Variants in PPL observed in about 807,000 individuals in gnomAD.
PPL encodes the protein periplakin.
Under a neutral mutation model 194.4 loss-of-function variants are expected in PPL, and 198 were observed. The ratio of observed to expected loss-of-function variants is 1.02; its 90% CI spans 0.91 to 1.15. The LOEUF (loss-of-function observed/expected upper bound fraction) is 1.15. Ranked by LOEUF, PPL falls within the 50% of genes most tolerant of loss-of-function variation. The pLI is 0.00. For missense variants in PPL, 2,885 were observed against 2,294.8 expected, an observed-to-expected ratio of 1.26 and a Z score of -5.25; for synonymous variants, 1,220 against 972.4, an observed-to-expected ratio of 1.25 and a Z score of -4.74.
chr16:4,903,263 G>T (rs1246598359), intron 3 of PPL, among the ~76,000 whole-genome samples: 2 of 152,058 alleles, frequency 1.3e-5, no homozygotes, highest in Non-Finnish European at 2.9e-5. Flanking sequence ...TGAACTGGGA[G>T]TCGTGAGCCA....
At position 4,885,199 on chromosome 16, in the gene PPL, C is replaced by T. The variant is rs368588876; in HGVS notation, c.3456G>A (p.Thr1152=). 19 of 1,613,966 alleles carry T rather than the reference C, an allele frequency of 1.2e-5. No homozygotes were observed. The highest frequency in any genetic ancestry group is 9.3e-5 in the African/African-American group (7 of 74,922). Residue 1152 remains threonine, a synonymous_variant, in exon 22 of 22, where the codon ACG becomes ACA. Coordinates refer to ENST00000345988, the MANE Select transcript of PPL (RefSeq NM_002705.5). This position sits in a 1 kb window ranked among gnomAD's most constrained non-coding sequence, Gnocchi z 6.3. ...AGGCCCATATCTTTCGGAGCAGCTC[C>T]GTCTTCTCCCTCTGGCTAGCGCGAG... The part of the protein sequence containing the change: ...AKARASQREK[T]ELLRKIWALE...
chr16:4,933,876 A>G (rs577614974), intron 1 of PPL, among the ~76,000 whole-genome samples: 1 of 152,320 alleles, frequency 6.6e-6, no homozygotes, highest in Admixed American at 6.5e-5. Context: ...CACCACAGCT[A>G]GCTTGCCCGC....
Position 4,883,539 on chromosome 16 carries a change from C to T in PPL, c.5116G>A (p.Glu1706Lys), listed in dbSNP as rs768114643. The T allele has an allele frequency of 6.2e-7, 1 of 1,614,240 alleles. No individual in the cohort carries two copies. Residue 1706 changes from glutamate (E) to lysine (K), a missense_variant, in exon 22 of 22, where the codon GAG (glutamate) becomes AAG (lysine). Coordinates refer to ENST00000345988, the MANE Select transcript of PPL (RefSeq NM_002705.5). The surrounding 1 kb of genome is among the most constrained non-coding windows in gnomAD (Gnocchi z 4.8). ...EEISVKGPNGESSVIHDRKSG... is the reference protein window; with the variant it reads ...EEISVKGPNGKSSVIHDRKSG... ...TTCCTGTCGTGTATCACTGAGGACTCCCCATTGGGACCCTTCACTGAGATC... is the reference window on the plus strand; with the variant it reads ...TTCCTGTCGTGTATCACTGAGGACTTCCCATTGGGACCCTTCACTGAGATC...
In PPL at chr16:4,893,715, T is replaced by C. The variant is rs142308011; in HGVS notation, c.1395-77A>G. 8.2e-5 allele frequency: 105 copies of C among 1,288,126 alleles called. No individual in the cohort carries two copies. The East Asian group carries it at 2.5e-3, about 30-fold the overall frequency. 79.8% of individuals were successfully genotyped at this position (1,288,126 alleles called of 1,614,324 possible). On this transcript the variant is annotated intron_variant, in intron 12 of 21. Transcript: ENST00000345988. The stretch of plus-strand genomic sequence containing the variant: ...CCCACAGAGGCGGGACTGCGGACTC[T>C]GGCTGGGCAGACACCCCAGAGGAGC...
chr16:4,891,006 C>A, intron 16 of PPL, 85 bp from the exon 17 acceptor site: 1 of 1,260,698 alleles, frequency 7.9e-7, no homozygotes, highest in Non-Finnish European at 1.1e-6. Flanking sequence ...CCCTGGGCCA[C>A]TGACTGTAGG....
At chr16:4,925,547 C>T (rs1017409527) in intron 1 of PPL, among the ~76,000 whole-genome samples, 1 of 152,218 alleles carries the variant, frequency 6.6e-6, no homozygotes, top group African/African-American at 2.4e-5. Flanking sequence ...AAAGAACTTA[C>T]TCACCTTTTT....
At chr16:4,912,078 T>G (rs1399193099) in intron 1 of PPL, among the ~76,000 whole-genome samples, 2 of 152,120 alleles carry the variant, frequency 1.3e-5, no homozygotes, top group African/African-American at 4.8e-5. Flanking sequence ...TACCGTAAAA[T>G]TCACCTGTTT....
At position 4,882,594 on chromosome 16, in the gene PPL, T is replaced by C. The variant is rs1398545651; in HGVS notation, c.*790A>G. 1 of 152,248 alleles carries C rather than the reference T, an allele frequency of 6.6e-6. No individual in the cohort carries two copies. The highest frequency in any genetic ancestry group is 1.9e-4 in the East Asian group (1 of 5,202). 9.4% of individuals were successfully genotyped at this position (152,248 alleles called of 1,614,324 possible). A position where few individuals can be genotyped will look rare whatever the true frequency, so the allele number is the denominator to read the frequency against. ...AGTTCCCATTTTCTTATGTTCTACA[T>C]GAGATACAGAGACCCAGATATTGGC... On this transcript the variant is annotated 3_prime_UTR_variant, in exon 22 of 22. Transcript: ENST00000345988.
At position 4,934,426 on chromosome 16, in the gene PPL, C is replaced by T. The variant is rs1324520225; in HGVS notation, c.62+2558G>A. On this transcript the variant is annotated intron_variant, in intron 1 of 21. Transcript: ENST00000345988. ...CTCGGAAAGGGCTGCTACCCTCATC[C>T]GGGCACCTCCTGTGTGCTACAGCAC... Among the ~76,000 whole-genome samples the T allele has an allele frequency of 5.3e-5, 8 of 152,112 alleles. No homozygotes were observed. The South Asian group carries it at 1.5e-3, about 28-fold the overall frequency.
chr16:4,902,331 G>A lies in PPL; in HGVS notation c.438+75C>T. 2 of 1,583,910 alleles carry A rather than the reference G, an allele frequency of 1.3e-6. No individual in the cohort carries two copies. The highest frequency in any genetic ancestry group is 1.7e-6 in the Non-Finnish European group (2 of 1,164,578). ...AAGACCCGGGATGCCCATTACATGG[G>A]TAGGCTCTCCCTGCACACGCACAGC... On this transcript the variant is annotated intron_variant, in intron 4 of 21. Coordinates refer to ENST00000345988, the MANE Select transcript of PPL (RefSeq NM_002705.5). The surrounding 1 kb of genome is among the most constrained non-coding windows in gnomAD (Gnocchi z 4.0).
chr16:4,934,720 C>T (rs2089271636), intron 1 of PPL, among the ~76,000 whole-genome samples: 1 of 152,180 alleles, frequency 6.6e-6, no homozygotes, highest in South Asian at 2.1e-4. Context: ...CGACCACAGC[C>T]TAGAGCCGCA....
intron 17 of PPL, 41 bp downstream of exon 17, chr16:4,890,687 T>C (rs1236369919): frequency 6.4e-7 from 1 of 1,560,124 alleles, no homozygotes; most frequent in African/African-American, 1.4e-5. Context: ...TAGATCGCAT[T>C]CTCAGAAAAC....
At chr16:4,890,002 C>T (rs569405661) in intron 18 of PPL, among the ~76,000 whole-genome samples, 182 bp downstream of exon 18, 69 of 152,348 alleles carry the variant, frequency 4.5e-4, no homozygotes, top group East Asian at 3.9e-3. Context: ...GCGACACACT[C>T]GGTTCTTGTT....
chr16:4,893,417 G>T, intron 13 of PPL, 47 bp from the exon 14 acceptor site: 1 of 1,596,670 alleles, frequency 6.3e-7, no homozygotes, highest in Non-Finnish European at 8.5e-7. Flanking sequence ...CGGGCCAGGG[G>T]TGTGAGGCCC....
Position 4,882,507 on chromosome 16 carries a change from G to A in PPL, c.*877C>T, listed in dbSNP as rs1319742474. The A allele has an allele frequency of 6.6e-6, 1 of 152,282 alleles. No homozygotes were observed. The highest frequency in any genetic ancestry group is 1.5e-5 in the Non-Finnish European group (1 of 68,038). The allele number at this position is 152,282 out of a possible 1,614,324, so 9.4% of individuals were successfully genotyped here. A position where few individuals can be genotyped will look rare whatever the true frequency, so the allele number is the denominator to read the frequency against. On this transcript the variant is annotated 3_prime_UTR_variant, in exon 22 of 22. Coordinates refer to ENST00000345988, the MANE Select transcript of PPL (RefSeq NM_002705.5). ...TTGCATGCAAAAGAAGAAACATGTG[G>A]ACCGTACAAGCAGACTCCAGCCACC...
Position 4,883,688 on chromosome 16 carries a change from C to A in PPL, c.4967G>T (p.Arg1656Leu), listed in dbSNP as rs766964545. ...GTCAGGGTGGATGACTACGATGGAGCGCCGCAGGTGGTTCTCCCGCTGCTC... is the reference window on the plus strand; with the variant it reads ...GTCAGGGTGGATGACTACGATGGAGAGCCGCAGGTGGTTCTCCCGCTGCTC... ...KREQRENHLRRSIVVIHPDTG... is the reference protein window; with the variant it reads ...KREQRENHLRLSIVVIHPDTG... Residue 1656 changes from arginine (R) to leucine (L), a missense_variant, in exon 22 of 22, where the codon CGC (arginine) becomes CTC (leucine). By Grantham distance (102) the Arg-to-Leu change is moderately radical. Transcript: ENST00000345988. The surrounding 1 kb of genome is among the most constrained non-coding windows in gnomAD (Gnocchi z 4.8). 7 of 1,613,904 alleles carry A rather than the reference C, an allele frequency of 4.3e-6. No individual in the cohort carries two copies. Among genetic ancestry groups the A allele is most frequent in the South Asian group, 3.3e-5 (3 of 91,082 alleles).
rs904389618 is a variant in PPL, at chr16:4,890,647, G to C, written c.2162+81C>G. 4 of 1,453,878 alleles carry C rather than the reference G, an allele frequency of 2.8e-6. No homozygotes were observed. The African/African-American group carries it at 5.7e-5, about 21-fold the overall frequency. The allele number at this position is 1,453,878 out of a possible 1,614,324, so 90.1% of individuals were successfully genotyped here. A position where few individuals can be genotyped will look rare whatever the true frequency, so the allele number is the denominator to read the frequency against. On this transcript the variant is annotated intron_variant, in intron 17 of 21. Coordinates refer to ENST00000345988, the MANE Select transcript of PPL (RefSeq NM_002705.5). ...AAAAGAAAAACAGCAAAATCTGTGG[G>C]ACACGGCTAAAGCATTGCTTAGAGG...
chr16:4,907,954 G>C (rs998468257), intron 2 of PPL, among the ~76,000 whole-genome samples: 1 of 151,762 alleles, frequency 6.6e-6, no homozygotes, highest in African/African-American at 2.4e-5. Flanking sequence ...AGGAGTTTGA[G>C]ACCAGCCTGG....
At chr16:4,911,593 G>A (rs1403709835) in intron 1 of PPL, among the ~76,000 whole-genome samples, 1 of 152,036 alleles carries the variant, frequency 6.6e-6, no homozygotes, top group East Asian at 1.9e-4. Flanking sequence ...GGGGTGTAGC[G>A]GCACAGTCAT....
Sources: gnomAD v4.1 joint callset for allele counts (sites outside exome capture counted in the v4.1 genomes callset) on GRCh38, gnomAD v4.1.1 for gene constraint, Gnocchi (gnomAD v3.1) non-coding constraint, MANE v1.5 for transcripts, NCBI Gene and HGNC (gene_info 2026-07-23, HGNC 2026-07-21) for gene names.